The following PIK3C2G variants were observed in gnomAD, a reference collection of about 807,000 sequenced individuals.
PIK3C2G encodes phosphatidylinositol-4-phosphate 3-kinase catalytic subunit type 2 gamma, also known as phosphatidylinositol 3-kinase C2 domain-containing subunit gamma.
In PIK3C2G, 168 loss-of-function variants were observed where a neutral mutation model predicts 181.1. That is an observed-to-expected ratio of 0.93 (90% CI 0.82 to 1.05). PIK3C2G has a LOEUF of 1.05. PIK3C2G is among the 50% of genes least tolerant of loss of function. PIK3C2G has a pLI of 0.00. For synonymous variants in PIK3C2G, 573 were observed against 592.2 expected, an observed-to-expected ratio of 0.97 and a Z score of 0.47; for missense variants, 1,869 against 1,732.8, an observed-to-expected ratio of 1.08 and a Z score of -1.40.
chr12:18,688,499 C>A, the PIK3C2G span, among the ~76,000 whole-genome samples: 13 of 151,786 alleles, frequency 8.6e-5, no homozygotes, highest in Non-Finnish European at 4.4e-5. Context: ...TTGTTATGAT[C>A]ACATTTCAGG....
At chr12:18,579,787 T>G (rs755294348) in intron 29 of PIK3C2G, among the ~76,000 whole-genome samples, 20 of 152,162 alleles carry the variant, frequency 1.3e-4, no homozygotes, top group Non-Finnish European at 2.4e-4. Flanking sequence ...CTTCTTAAAA[T>G]TTTGCTCTGT....
intron 6 of PIK3C2G, among the ~76,000 whole-genome samples, chr12:18,318,555 A>T (rs950659999): frequency 1.3e-5 from 2 of 152,058 alleles, no homozygotes; most frequent in African/African-American, 4.8e-5. Context: ...GAACAATTAT[A>T]ATCTTTCTAA....
the PIK3C2G span, among the ~76,000 whole-genome samples, chr12:18,726,343 T>C: frequency 6.6e-6 from 1 of 152,180 alleles, no homozygotes; most frequent in Non-Finnish European, 1.5e-5. Context: ...AAACGTTCCT[T>C]AAGTGGTTAT....
rs566918943 is a variant in PIK3C2G at position 18,320,711 on chromosome 12, C to T, written c.1138-251C>T. Among the ~76,000 whole-genome samples, 31 of 152,334 alleles carry T rather than the reference C, an allele frequency of 2.0e-4. 1 individual carries two copies. In the South Asian group the frequency reaches 4.3e-3, roughly 21 times the overall value. Reference sequence around the variant, plus strand: ...TAGAAGAATTTAATGTTTGACCTTGCTGATGCCACGATGTTTTTCAACTAT... The same window carrying T: ...TAGAAGAATTTAATGTTTGACCTTGTTGATGCCACGATGTTTTTCAACTAT... On this transcript the variant is annotated intron_variant, in intron 6 of 32. Transcript: ENST00000538779.
intron 6 of PIK3C2G, among the ~76,000 whole-genome samples, chr12:18,319,587 G>A (rs1390021010): frequency 2.0e-5 from 3 of 151,968 alleles, no homozygotes; most frequent in South Asian, 4.1e-4. Flanking sequence ...GACTAATACC[G>A]AAAATATTTC....
At chr12:18,708,120 C>A in the PIK3C2G span, among the ~76,000 whole-genome samples, 1 of 152,166 alleles carries the variant, frequency 6.6e-6, no homozygotes, top group Admixed American at 6.6e-5. Flanking sequence ...ACTTTTTCAT[C>A]CTACATATGT....
intron 24 of PIK3C2G, among the ~76,000 whole-genome samples, chr12:18,518,291 A>G (rs1278900025): frequency 6.6e-6 from 1 of 152,168 alleles, no homozygotes; most frequent in South Asian, 2.1e-4. Flanking sequence ...AATTGTTTGG[A>G]ATAGTTTCAG....
At chr12:18,600,669 T>A (rs1947661307) in intron 30 of PIK3C2G, among the ~76,000 whole-genome samples, 1 of 152,054 alleles carries the variant, frequency 6.6e-6, no homozygotes, top group Non-Finnish European at 1.5e-5. Context: ...GACTACCTGT[T>A]CAACTCCATG....
At chr12:18,252,371 G>T (rs890628577) in intron 1 of PIK3C2G, among the ~76,000 whole-genome samples, 1 of 152,016 alleles carries the variant, frequency 6.6e-6, no homozygotes, top group Non-Finnish European at 1.5e-5. Flanking sequence ...CTATAAAGAT[G>T]GAAATAATAT....
At chr12:18,702,472 T>C in the PIK3C2G span, among the ~76,000 whole-genome samples, 1 of 152,172 alleles carries the variant, frequency 6.6e-6, no homozygotes, top group Non-Finnish European at 1.5e-5. Context: ...TATACAATGC[T>C]GAAATCTGGG....
At chr12:18,536,816 G>A (rs1943877919) in intron 24 of PIK3C2G, among the ~76,000 whole-genome samples, 1 of 151,982 alleles carries the variant, frequency 6.6e-6, no homozygotes, top group African/African-American at 2.4e-5. Context: ...AATAAAAAAG[G>A]ATTTTGAACC....
intron 18 of PIK3C2G, among the ~76,000 whole-genome samples, chr12:18,459,620 T>C (rs942561901): frequency 6.6e-6 from 1 of 152,266 alleles, no homozygotes; most frequent in Non-Finnish European, 1.5e-5. Context: ...AATACACTAG[T>C]TACAGTGAAA....
At chr12:18,321,053 T>C in intron 7 of PIK3C2G, 21 bp downstream of exon 7, 1 of 1,235,662 alleles carries the variant, frequency 8.1e-7, no homozygotes, top group Non-Finnish European at 1.2e-6. Context: ...TTATATTTGT[T>C]CCAAGACTAC....
chr12:18,476,988 G>A (rs1939068485), intron 18 of PIK3C2G, among the ~76,000 whole-genome samples: 1 of 152,056 alleles, frequency 6.6e-6, no homozygotes. Context: ...CTGGAAGCTG[G>A]AATTTCAAGA....
chr12:18,726,781 A>T, the PIK3C2G span, among the ~76,000 whole-genome samples: 1 of 152,200 alleles, frequency 6.6e-6, no homozygotes, highest in Non-Finnish European at 1.5e-5. Context: ...TGTATCTAAA[A>T]TTACACTAAA....
Position 18,567,072 on chromosome 12 carries a change from A to C in PIK3C2G, c.4011+15A>C. ...AAGTTACAAACGTATGTTATAATTA[A>C]TTTTTCTATTTTTACATAAAACATC... is the stretch of plus-strand genomic sequence containing the variant. On this transcript the variant is annotated intron_variant, in intron 29 of 32. Coordinates refer to ENST00000538779, the MANE Select transcript of PIK3C2G (RefSeq NM_001288772.2). The C allele has an allele frequency of 3.6e-6, 4 of 1,117,944 alleles. No homozygotes were observed. Among genetic ancestry groups the C allele is most frequent in the Non-Finnish European group, 2.7e-6 (2 of 750,368 alleles). 69.3% of individuals were successfully genotyped at this position (1,117,944 alleles called of 1,614,324 possible).
chr12:18,414,227 A>G (rs1945040367), intron 16 of PIK3C2G, among the ~76,000 whole-genome samples: 1 of 152,190 alleles, frequency 6.6e-6, no homozygotes, highest in African/African-American at 2.4e-5. Context: ...TGAGTTCGTA[A>G]TTATTCATAT....
At chr12:18,262,141 C>G (rs1342858448) in intron 1 of PIK3C2G, among the ~76,000 whole-genome samples, 2 of 152,016 alleles carry the variant, frequency 1.3e-5, no homozygotes, top group African/African-American at 2.4e-5. Context: ...TGCTGCGGTC[C>G]GTCTCTGCTG....
intron 26 of PIK3C2G, among the ~76,000 whole-genome samples, chr12:18,559,129 C>T (rs1945161747): frequency 6.6e-6 from 1 of 152,148 alleles, no homozygotes; most frequent in South Asian, 2.1e-4. Flanking sequence ...CACTGGCCTC[C>T]TGTGGAGAAA....
Sources: gnomAD v4.1 joint callset for allele counts (sites outside exome capture counted in the v4.1 genomes callset) on GRCh38, gnomAD v4.1.1 for gene constraint, MANE v1.5 for transcripts, NCBI Gene and HGNC (gene_info 2026-07-23, HGNC 2026-07-21) for gene names.